The following SNX14 variants were observed in gnomAD, a reference collection of about 807,000 sequenced individuals.
SNX14 encodes the protein sorting nexin 14.
Under a neutral mutation model 133.8 loss-of-function variants are expected in SNX14, and 93 were observed. That is an observed-to-expected ratio of 0.70 (90% CI 0.59 to 0.83). SNX14 has a LOEUF of 0.83. SNX14 is among the 40% of genes least tolerant of loss of function. The pLI, the probability that SNX14 is intolerant of heterozygous loss-of-function variation, is 0.00. For missense variants in SNX14, 945 were observed against 1,094.9 expected, an observed-to-expected ratio of 0.86 and a Z score of 1.93; for synonymous variants, 368 against 365.6, an observed-to-expected ratio of 1.01 and a Z score of -0.07.
rs186034418 is a variant in SNX14, at chr6:85,531,705, G to A, written c.1811-1430C>T. Among the ~76,000 whole-genome samples, 250 of 152,124 alleles carry A rather than the reference G, an allele frequency of 1.6e-3. 1 individual carries two copies. The highest frequency in any genetic ancestry group is 5.5e-3 in the African/African-American group (230 of 41,484). On this transcript the variant is annotated intron_variant, in intron 18 of 28. Coordinates refer to ENST00000314673, the MANE Select transcript of SNX14 (RefSeq NM_153816.6). ...ATTACATTGACAGTAGAAGTCTGCA[G>A]CACTGTTGACAAAAATTATCTTTAA...
rs1215162014 is a variant in SNX14 at position 85,579,988 on chromosome 6, T to C, written c.141-5610A>G. Among the ~76,000 whole-genome samples the C allele has an allele frequency of 3.3e-5, 5 of 152,316 alleles. No homozygotes were observed. The East Asian group carries it at 5.8e-4, about 18-fold the overall frequency. ...CTTGTTCTGCCTCTCTCTCTCCTTA[T>C]GGTTATTTTGTTTACCAAGGCAGCT... On this transcript the variant is annotated intron_variant, in intron 1 of 28. Coordinates refer to ENST00000314673, the MANE Select transcript of SNX14 (RefSeq NM_153816.6).
At chr6:85,593,427 G>T in intron 1 of SNX14, 152 bp downstream of exon 1, 1 of 1,215,574 alleles carries the variant, frequency 8.2e-7, no homozygotes, top group Non-Finnish European at 1.1e-6. Flanking sequence ...ACGCTCCGCC[G>T]TGCTCCCCGA....
intron 18 of SNX14, among the ~76,000 whole-genome samples, chr6:85,532,972 C>T (rs755142852): frequency 7.9e-5 from 12 of 152,074 alleles, no homozygotes; most frequent in African/African-American, 1.4e-4. Context: ...CTGCAACCTC[C>T]GCCTCCCAGG....
chr6:85,506,092 A>T, intron 28 of SNX14, 87 bp from the exon 29 acceptor site: 1 of 834,650 alleles, frequency 1.2e-6, no homozygotes, highest in Non-Finnish European at 2.0e-6. Context: ...TTAAAATTCT[A>T]ACCTAAGACA....
intron 14 of SNX14, among the ~76,000 whole-genome samples, 194 bp downstream of exon 14, chr6:85,542,988 G>C (rs1784292588): frequency 6.6e-6 from 1 of 152,032 alleles, no homozygotes; most frequent in Non-Finnish European, 1.5e-5. Context: ...GGTTGGTCTT[G>C]AATGCCTGAA....
intron 26 of SNX14, among the ~76,000 whole-genome samples, chr6:85,511,842 A>G (rs1007842044): frequency 1.3e-5 from 2 of 152,138 alleles, no homozygotes; most frequent in Non-Finnish European, 2.9e-5. Flanking sequence ...CTTGCCTTTA[A>G]TATGTCTTGT....
intron 2 of SNX14, among the ~76,000 whole-genome samples, chr6:85,573,249 G>A (rs1796255652): frequency 6.6e-6 from 1 of 152,160 alleles, no homozygotes; most frequent in African/African-American, 2.4e-5. Context: ...GTAGGCCGAG[G>A]CAAGTGGATC....
At position 85,593,547 on chromosome 6, in the gene SNX14, G is replaced by A. The variant is rs140612751; in HGVS notation, c.140+32C>T. 1.8e-4 allele frequency: 289 copies of A among 1,586,968 alleles called. No individual in the cohort carries two copies. The African/African-American group carries it at 3.4e-3, about 18-fold the overall frequency. The stretch of plus-strand genomic sequence containing the variant: ...CGGGCGTCTGCACCTTCGGAGAAAA[G>A]CCGCCGCCCAGGCTCCGCGCTGCGG... On this transcript the variant is annotated intron_variant, in intron 1 of 28. Coordinates refer to ENST00000314673, the MANE Select transcript of SNX14 (RefSeq NM_153816.6).
At chr6:85,588,800 G>A (rs530281659) in intron 1 of SNX14, 35 of 449,190 alleles carry the variant, frequency 7.8e-5, no homozygotes, top group Non-Finnish European at 1.6e-4. Flanking sequence ...TTCTTACAAT[G>A]ATGTAAGCTA....
intron 15 of SNX14, among the ~76,000 whole-genome samples, chr6:85,540,174 C>T (rs1582758796): frequency 6.6e-6 from 1 of 152,202 alleles, no homozygotes; most frequent in Middle Eastern, 3.4e-3. Flanking sequence ...GTTGGCCAGG[C>T]TGGTGTTGAA....
At chr6:85,513,387 T>TA (rs1358142418) in intron 26 of SNX14, among the ~76,000 whole-genome samples, 1 of 152,254 alleles carries the variant, frequency 6.6e-6, no homozygotes, top group Non-Finnish European at 1.5e-5. Context: ...GTGCATTTTT[T>TA]ATATGCCTTG....
At chr6:85,588,160 T>C (rs1384291395) in intron 1 of SNX14, among the ~76,000 whole-genome samples, 1 of 152,140 alleles carries the variant, frequency 6.6e-6, no homozygotes, top group South Asian at 2.1e-4. Flanking sequence ...TCAGCCTATA[T>C]ATAGTCCCAG....
chr6:85,507,163 G>T, intron 28 of SNX14, 70 bp downstream of exon 28: 1 of 1,306,130 alleles, frequency 7.7e-7, no homozygotes, highest in Non-Finnish European at 1.1e-6. Flanking sequence ...TTACATTTAT[G>T]TCCCTAATTA....
chr6:85,562,623 G>A (rs1373852845), intron 6 of SNX14, among the ~76,000 whole-genome samples: 1 of 111,682 alleles, frequency 9.0e-6, no homozygotes, highest in Non-Finnish European at 1.7e-5. Context: ...GTCTCGCTCT[G>A]TTGCCCAAGC....
Position 85,548,359 on chromosome 6 carries a change from A to T in SNX14, c.809T>A (p.Ile270Lys), listed in dbSNP as rs766963036. Residue 270 changes from isoleucine (I) to lysine (K), a missense_variant, in exon 9 of 29, where the codon ATA (isoleucine) becomes AAA (lysine). By Grantham distance (102) the Ile-to-Lys change is moderately radical. This residue lies in a region of SNX14 where 514 missense variants were observed against 538.8 expected (regional missense o/e 0.95). Coordinates refer to ENST00000314673, the MANE Select transcript of SNX14 (RefSeq NM_153816.6). ...ATDCRSLTLL[I>K]REILSGSVFL... ...CACAGAGCCAGACAGAATCTCTCTTATAAGTAAGGTCAGAGATCTGGAAAA... is the reference window on the plus strand; with the variant it reads ...CACAGAGCCAGACAGAATCTCTCTTTTAAGTAAGGTCAGAGATCTGGAAAA... 10 of 1,605,808 alleles carry T rather than the reference A, an allele frequency of 6.2e-6. No homozygotes were observed. In the African/African-American group the frequency reaches 1.3e-4, roughly 22 times the overall value.
intron 7 of SNX14, among the ~76,000 whole-genome samples, chr6:85,557,048 C>T (rs534301678): frequency 1.2e-4 from 18 of 152,174 alleles, no homozygotes; most frequent in Non-Finnish European, 1.9e-4. Context: ...TGCTGTAGGA[C>T]TACCCAAAGC....
Position 85,543,194 on chromosome 6 carries a change from G to T in SNX14, c.1377C>A (p.Cys459Ter). 6.4e-7 allele frequency: 1 copy of T among 1,550,694 alleles called. No homozygotes were observed. Among genetic ancestry groups the T allele is most frequent in the Non-Finnish European group, 8.7e-7 (1 of 1,153,716 alleles). ...TATTTTGACTTACCTCATCACTATG[G>T]CAGAACATAGGAGTAAATACATTCT... ...LLENVFTPMFCHSDEYFRQLL... is the reference protein window; with the variant it reads ...LLENVFTPMF The change falls in exon 14 of 29, where the codon TGC becomes TGA. Residue 459 changes from cysteine to a stop codon, truncating the protein, a stop_gained. Coordinates refer to ENST00000314673, the MANE Select transcript of SNX14 (RefSeq NM_153816.6). LOFTEE classifies it high-confidence loss of function.
At chr6:85,537,032 C>A in intron 16 of SNX14, 108 bp from the exon 17 acceptor site, 5 of 1,186,960 alleles carry the variant, frequency 4.2e-6, no homozygotes, top group Non-Finnish European at 5.8e-6. Flanking sequence ...AAATGATAAA[C>A]TAAAGGTATA....
intron 7 of SNX14, among the ~76,000 whole-genome samples, chr6:85,555,807 T>C (rs1274582887): frequency 6.6e-6 from 1 of 151,854 alleles, no homozygotes; most frequent in Non-Finnish European, 1.5e-5. Flanking sequence ...CTGGTCAACA[T>C]GGTGAAACCT....
Sources: gnomAD v4.1 joint callset for allele counts (sites outside exome capture counted in the v4.1 genomes callset) on GRCh38, gnomAD v4.1.1 for gene constraint, gnomAD v4.1.1 regional missense constraint, MANE v1.5 for transcripts, NCBI Gene and HGNC (gene_info 2026-07-23, HGNC 2026-07-21) for gene names.